Variants in PSD3 observed in about 807,000 individuals in gnomAD.
PSD3 encodes the protein PH and SEC7 domain-containing protein 3.
In PSD3, 49 loss-of-function variants were observed where a neutral mutation model predicts 105.5. That is an observed-to-expected ratio of 0.46 (90% CI 0.37 to 0.59). PSD3 has a LOEUF of 0.59. PSD3 is among the 20% of genes least tolerant of loss of function. The pLI, the probability that PSD3 is intolerant of heterozygous loss-of-function variation, is 0.00. For synonymous variants in PSD3, 557 were observed against 457.8 expected, an observed-to-expected ratio of 1.22 and a Z score of -2.77; for missense variants, 1,561 against 1,263.8, an observed-to-expected ratio of 1.24 and a Z score of -3.57.
chr8:18,762,820 T>C, intron 9 of PSD3: 3 of 704,118 alleles, frequency 4.3e-6, no homozygotes, highest in Non-Finnish European at 6.0e-6. Context: ...CACATTTAAA[T>C]ATGTCAAGGT....
chr8:18,844,968 C>T (rs1814966671), intron 4 of PSD3, among the ~76,000 whole-genome samples: 1 of 152,174 alleles, frequency 6.6e-6, no homozygotes, highest in South Asian at 2.1e-4. Flanking sequence ...GCACTAAAAT[C>T]TGGGAATGTA....
intron 2 of PSD3, among the ~76,000 whole-genome samples, chr8:18,918,873 T>G (rs548364562): frequency 6.6e-6 from 1 of 152,172 alleles, no homozygotes; most frequent in South Asian, 2.1e-4. Context: ...CATTCAGTCG[T>G]CATTCATAAG....
In PSD3 at chr8:19,024,709, G is replaced by A. The variant is rs117743820; in HGVS notation, c.324+59497C>T. The stretch of plus-strand genomic sequence containing the variant: ...ACACAACCGACCTCCAGGAAGGGGA[G>A]AGGGGGTCTGGAGATTAAGCTCTAT... On this transcript the variant is annotated intron_variant, in intron 1 of 1. Coordinates refer to the PSD3 transcript ENST00000521475. 8.1e-3 allele frequency among the ~76,000 whole-genome samples: 1,229 copies of A among 152,214 alleles called. 9 individuals are homozygous for A. The highest frequency in any genetic ancestry group is 0.027 in the Middle Eastern group (8 of 294).
At chr8:18,896,971 C>T (rs1386928453) in intron 2 of PSD3, among the ~76,000 whole-genome samples, 1 of 151,762 alleles carries the variant, frequency 6.6e-6, no homozygotes, top group Non-Finnish European at 1.5e-5. Context: ...CCACCATGCT[C>T]GGCTAATTTT....
chr8:18,828,882 T>G (rs146436700), intron 4 of PSD3, among the ~76,000 whole-genome samples: 2 of 152,244 alleles, frequency 1.3e-5, no homozygotes, highest in African/African-American at 4.8e-5. Flanking sequence ...GCAGATCACA[T>G]GAGGCCATGA....
chr8:18,765,667 C>T, intron 8 of PSD3, 129 bp from the exon 9 acceptor site: 2 of 763,414 alleles, frequency 2.6e-6, no homozygotes, highest in African/African-American at 1.7e-5. Flanking sequence ...TGGCTCACGC[C>T]TGTAACTTCC....
chr8:18,709,864 A>C (rs2129421201), intron 9 of PSD3, among the ~76,000 whole-genome samples: 1 of 152,354 alleles, frequency 6.6e-6, no homozygotes, highest in Admixed American at 6.5e-5. Flanking sequence ...ATCCAAGGTA[A>C]ATAAGCTCAC....
At chr8:18,840,631 C>A (rs2129451263) in intron 4 of PSD3, among the ~76,000 whole-genome samples, 1 of 152,288 alleles carries the variant, frequency 6.6e-6, no homozygotes, top group African/African-American at 2.4e-5. Flanking sequence ...GAAAACAAAG[C>A]ACAGGTGCTA....
rs1563453978 is a variant in PSD3 at position 18,949,279 on chromosome 8, T to TATATATATA, written c.22-13138_22-13137insTATATATAT. On this transcript the variant is annotated intron_variant, in intron 1 of 15. Coordinates refer to ENST00000327040, the MANE Select transcript of PSD3 (RefSeq NM_015310.4). ...TATATATATATATATATATATATATTTATAGTTTTCTTCTCTTCCAAGGAG... is the reference window on the plus strand; with the variant it reads ...TATATATATATATATATATATATATTATATATATATATAGTTTTCTTCTCTTCCAAGGAG... Among the ~76,000 whole-genome samples, 45 of 78,204 alleles carry TATATATATA rather than the reference T, an allele frequency of 5.8e-4. 1 individual carries two copies. Among genetic ancestry groups the TATATATATA allele is most frequent in the Non-Finnish European group, 1.3e-3 (41 of 32,656 alleles). 51.3% of individuals were successfully genotyped at this position (78,204 alleles called of 152,430 possible). A position where few individuals can be genotyped will look rare whatever the true frequency, so the allele number is the denominator to read the frequency against.
At chr8:18,612,901 G>A (rs1359384851) in intron 11 of PSD3, among the ~76,000 whole-genome samples, 2 of 152,140 alleles carry the variant, frequency 1.3e-5, no homozygotes, top group Non-Finnish European at 2.9e-5. Context: ...GAGTCGCTCA[G>A]ATCTAACTTA....
At chr8:18,943,576 GT>G (rs1822687765) in intron 1 of PSD3, among the ~76,000 whole-genome samples, 1 of 152,120 alleles carries the variant, frequency 6.6e-6, no homozygotes, top group Non-Finnish European at 1.5e-5. Context: ...AGGGAGCCTG[GT>G]AAACTCTTGA....
At chr8:18,994,850 T>C (rs887509709) in intron 1 of PSD3, among the ~76,000 whole-genome samples, 1 of 151,886 alleles carries the variant, frequency 6.6e-6, no homozygotes, top group Non-Finnish European at 1.5e-5. Flanking sequence ...GTCTAAAGTA[T>C]AGCAGAAACT....
intron 9 of PSD3, among the ~76,000 whole-genome samples, chr8:18,725,014 T>C (rs758655488): frequency 5.9e-5 from 9 of 152,180 alleles, no homozygotes; most frequent in Non-Finnish European, 1.2e-4. Flanking sequence ...AACAGAATTC[T>C]ACCATGTTGG....
Position 18,637,273 on chromosome 8 carries a change from T to C in PSD3, c.2217-4467A>G, listed in dbSNP as rs28505525. On this transcript the variant is annotated intron_variant, in intron 10 of 15. Transcript: ENST00000327040. ...CACAATGGTTAGGTGAAAAACACAT[T>C]CCTTCGTTATAGTCTGAATTCTACT... 7.6e-3 allele frequency among the ~76,000 whole-genome samples: 1,156 copies of C among 152,310 alleles called. 17 individuals carry two copies. The highest frequency in any genetic ancestry group is 0.027 in the African/African-American group (1,107 of 41,568).
chr8:18,759,104 T>A (rs960143256), intron 9 of PSD3, among the ~76,000 whole-genome samples: 4 of 138,730 alleles, frequency 2.9e-5, no homozygotes, highest in African/African-American at 5.3e-5. Context: ...TCTCTCTCTC[T>A]CTCTCTCTCT....
chr8:19,043,540 T>C (rs1828203897), intron 1 of PSD3, among the ~76,000 whole-genome samples: 1 of 152,216 alleles, frequency 6.6e-6, no homozygotes, highest in Admixed American at 6.5e-5. Context: ...ACATATTGTA[T>C]GAAATCTTGA....
At chr8:18,631,305 T>G (rs777854587) in intron 11 of PSD3, among the ~76,000 whole-genome samples, 1 of 152,020 alleles carries the variant, frequency 6.6e-6, no homozygotes, top group Non-Finnish European at 1.5e-5. Context: ...CTGAGACCAG[T>G]ATCTCATTCT....
In PSD3 at chr8:18,532,269, G is replaced by C. The variant is rs1799665606; in HGVS notation, c.*3474C>G. On this transcript the variant is annotated 3_prime_UTR_variant, in exon 16 of 16. Transcript: ENST00000327040. ...TAAGAGGCCTCTTTCCCTGCTGGTT[G>C]CAAAAATTCTTCCACAATCTCAGAA... 2 of 152,232 alleles carry C rather than the reference G, an allele frequency of 1.3e-5. No homozygotes were observed. Among genetic ancestry groups the C allele is most frequent in the Non-Finnish European group, 2.9e-5 (2 of 68,046 alleles). 9.4% of individuals were successfully genotyped at this position (152,232 alleles called of 1,614,324 possible).
intron 8 of PSD3, among the ~76,000 whole-genome samples, chr8:18,793,431 C>T (rs536736981): frequency 3.5e-4 from 53 of 149,682 alleles, no homozygotes; most frequent in African/African-American, 1.3e-3. Context: ...ACCACGTTGG[C>T]ATTTGTTTAC....
Sources: gnomAD v4.1 joint callset for allele counts (sites outside exome capture counted in the v4.1 genomes callset) on GRCh38, gnomAD v4.1.1 for gene constraint, MANE v1.5 for transcripts, NCBI Gene and HGNC (gene_info 2026-07-23, HGNC 2026-07-21) for gene names.